The following ECSCR variants were observed in gnomAD, a reference collection of about 807,000 sequenced individuals.
ECSCR encodes the protein endothelial cell surface expressed chemotaxis and apoptosis regulator.
A neutral mutation model predicts 16.7 loss-of-function variants in ECSCR; 12 were observed. That is an observed-to-expected ratio of 0.72 (90% CI 0.46 to 1.17). The LOEUF is 1.17. Ranked by LOEUF, ECSCR falls within the 50% of genes most tolerant of loss-of-function variation. The pLI is 0.00. For synonymous variants in ECSCR, 44 were observed against 42.2 expected, an observed-to-expected ratio of 1.04 and a Z score of -0.17; for missense variants, 122 against 116.1, an observed-to-expected ratio of 1.05 and a Z score of -0.23.
chr5:139,452,256 G>GTGT (rs1751072689), intron 8 of ECSCR, among the ~76,000 whole-genome samples: 2 of 138,832 alleles, frequency 1.4e-5, no homozygotes, highest in African/African-American at 2.7e-5. Context: ...TGGGGTGTGT[G>GTGT]GGTATATGTG....
At chr5:139,449,249 G>T in intron 8 of ECSCR, 75 bp from the exon 9 acceptor site, 1 of 1,111,074 alleles carries the variant, frequency 9.0e-7, no homozygotes, top group Non-Finnish European at 1.3e-6. Context: ...CTGTGAGGTT[G>T]TTGAGCCTTA....
intron 1 of ECSCR, among the ~76,000 whole-genome samples, chr5:139,462,113 T>G (rs986582884): frequency 3.9e-5 from 6 of 152,194 alleles, no homozygotes; most frequent in South Asian, 4.1e-4. Context: ...GAGTCCCTCT[T>G]GCTGTGATTT....
At chr5:139,456,716 T>C (rs2152089363) in intron 4 of ECSCR, among the ~76,000 whole-genome samples, 198 bp from the exon 5 acceptor site, 1 of 152,314 alleles carries the variant, frequency 6.6e-6, no homozygotes, top group African/African-American at 2.4e-5. Flanking sequence ...GTCTCAAGTC[T>C]AAGCTCCTGT....
At chr5:139,459,501 C>A (rs1305768397) in intron 1 of ECSCR, among the ~76,000 whole-genome samples, 1 of 152,186 alleles carries the variant, frequency 6.6e-6, no homozygotes, top group Non-Finnish European at 1.5e-5. Context: ...GTCTGCGGGG[C>A]TCTATGCAAA....
chr5:139,457,973 G>GA (rs976701623), intron 2 of ECSCR, 166 bp from the exon 3 acceptor site: 44 of 621,716 alleles, frequency 7.1e-5, no homozygotes, highest in East Asian at 1.4e-4. Context: ...CAGCTAGGCT[G>GA]AAAAAAAATC....
At chr5:139,452,282 GGGGTGTGTGGTAGGTT>G (rs1751074868) in intron 8 of ECSCR, among the ~76,000 whole-genome samples, 1 of 149,406 alleles carries the variant, frequency 6.7e-6, no homozygotes, top group Admixed American at 6.7e-5. Flanking sequence ...TGTGGGGTGT[GGGGTGTGTGGTAGGTT>G]TGTGGTGTGT....
chr5:139,457,529 C>A lies in ECSCR; in HGVS notation c.217+16G>T. The A allele has an allele frequency of 3.8e-6, 3 of 782,928 alleles. No homozygotes were observed. In the South Asian group the frequency reaches 4.0e-5, roughly 10 times the overall value. The allele number at this position is 782,928 out of a possible 1,614,324, so 48.5% of individuals were successfully genotyped here. A position where few individuals can be genotyped will look rare whatever the true frequency, so the allele number is the denominator to read the frequency against. ...GCCCTCCCTGGATGGCATTTGTAGT[C>A]TGAATGACACAGTACCTGGGGTACC... is the stretch of plus-strand genomic sequence containing the variant. On this transcript the variant is annotated intron_variant, in intron 4 of 9. Transcript: ENST00000618155.
chr5:139,458,035 GC>G, intron 2 of ECSCR, 103 bp downstream of exon 2: 1 of 1,334,172 alleles, frequency 7.5e-7, no homozygotes, highest in Non-Finnish European at 1.0e-6. Flanking sequence ...TCCAGCTGCG[GC>G]CCCAGCCCCC....
intron 9 of ECSCR, 24 bp from the exon 10 acceptor site, chr5:139,448,932 G>A (rs1294031234): frequency 6.5e-7 from 1 of 1,537,266 alleles, no homozygotes; most frequent in Non-Finnish European, 8.7e-7. Flanking sequence ...GCATAATGGG[G>A]AAGGGTGAAC....
chr5:139,458,535 A>G (rs1424835077), intron 1 of ECSCR, among the ~76,000 whole-genome samples: 103 of 134,666 alleles, frequency 7.6e-4, no homozygotes, highest in African/African-American at 2.8e-3. Context: ...AAAAAAAAAG[A>G]AAGAAAAAGA....
intron 8 of ECSCR, among the ~76,000 whole-genome samples, chr5:139,451,744 G>C (rs1322794129): frequency 0.023 from 3,372 of 148,970 alleles, 144 homozygotes; most frequent in African/African-American, 0.079. Flanking sequence ...TGGGTGTGTG[G>C]GGTATGTGTG....
intron 8 of ECSCR, among the ~76,000 whole-genome samples, chr5:139,452,315 GTA>G (rs1182286274): frequency 3.3e-5 from 5 of 150,274 alleles, no homozygotes; most frequent in African/African-American, 9.8e-5. Flanking sequence ...GTGTGTGTGT[GTA>G]TAGTATGGGG....
At chr5:139,458,500 CAAAAAAAAAAAAAAAAA>C (rs397882364) in intron 1 of ECSCR, among the ~76,000 whole-genome samples, 18 of 85,358 alleles carry the variant, frequency 2.1e-4, no homozygotes, top group African/African-American at 9.6e-4. Flanking sequence ...CCTATCTCAA[CAAAAAAAAAAAAAAAAA>C]AAAAAAAAAA....
chr5:139,450,999 T>C (rs1265777742), intron 8 of ECSCR, among the ~76,000 whole-genome samples: 1 of 152,130 alleles, frequency 6.6e-6, no homozygotes, highest in Non-Finnish European at 1.5e-5. Flanking sequence ...CCATCTCCTG[T>C]CATTTGATTG....
intron 7 of ECSCR, 32 bp downstream of exon 7, chr5:139,454,793 G>C (rs1751121603): frequency 2.5e-6 from 1 of 398,270 alleles, no homozygotes; most frequent in Non-Finnish European, 4.4e-6. Flanking sequence ...GCCAGCAGAG[G>C]GGAAAAAGAT....
chr5:139,457,752 C>T lies in ECSCR; in HGVS notation c.157+5G>A, dbSNP rs1204616647. ...GCAGGGACCTCAGCAACCACACTCA[C>T]TCACCTGGGTTGGAAGAAACTGGCT... On this transcript the variant is annotated splice_donor_5th_base_variant and intron_variant, in intron 3 of 9. Transcript: ENST00000618155. 3 of 1,613,118 alleles carry T rather than the reference C, an allele frequency of 1.9e-6. No homozygotes were observed. The highest frequency in any genetic ancestry group is 2.5e-6 in the Non-Finnish European group (3 of 1,179,596).
At chr5:139,455,883 G>A (rs1274758975) in intron 5 of ECSCR, among the ~76,000 whole-genome samples, 8 of 151,460 alleles carry the variant, frequency 5.3e-5, no homozygotes, top group African/African-American at 1.9e-4. Context: ...CAGCACTTTG[G>A]GAGGCCGAGG....
intron 5 of ECSCR, among the ~76,000 whole-genome samples, chr5:139,455,814 TAAA>T (rs1187505493): frequency 3.3e-4 from 16 of 49,088 alleles, no homozygotes; most frequent in African/African-American, 1.2e-3. Flanking sequence ...CCATCTCTCC[TAAA>T]AAAAAAAAAA....
At chr5:139,455,896 G>A (rs1751147897) in intron 5 of ECSCR, among the ~76,000 whole-genome samples, 1 of 151,780 alleles carries the variant, frequency 6.6e-6, no homozygotes, top group East Asian at 1.9e-4. Context: ...GGCCGAGGCG[G>A]GCAGATCATG....
Sources: allele counts gnomAD v4.1 joint callset (sites outside exome capture counted in the v4.1 genomes callset), GRCh38; gene constraint gnomAD v4.1.1; transcripts MANE v1.5; gene names NCBI Gene and HGNC (gene_info 2026-07-23, HGNC 2026-07-21).